The following BCR variants were observed in gnomAD, a reference collection of about 807,000 sequenced individuals.
BCR encodes the protein BCR activator of RhoGEF and GTPase.
In BCR, 58 loss-of-function variants were observed where a neutral mutation model predicts 138.6. That is an observed-to-expected ratio of 0.42 (90% CI 0.34 to 0.52). The LOEUF (loss-of-function observed/expected upper bound fraction) is 0.52. BCR is among the 20% of genes least tolerant of loss of function. The pLI is 0.06. For synonymous variants in BCR, 786 were observed against 730.1 expected (o/e 1.08, Z -1.23); for missense variants, 1,599 against 1,727.2 (o/e 0.93, Z 1.32).
At chr22:23,199,495 A>G (rs2072524207) in intron 1 of BCR, 1 of 376,264 alleles carries the variant, frequency 2.7e-6, no homozygotes, top group Non-Finnish European at 5.3e-6. Context: ...AGGAAGCTTG[A>G]GGCTTCTTGT....
At chr22:23,211,810 T>C (rs1033616056) in intron 1 of BCR, among the ~76,000 whole-genome samples, 1 of 152,200 alleles carries the variant, frequency 6.6e-6, no homozygotes, top group African/African-American at 2.4e-5. Context: ...ATAGAAGTCC[T>C]ATCTTCCAGG....
intron 5 of BCR, 98 bp downstream of exon 5, chr22:23,268,613 C>T (rs17533177): frequency 0.024 from 25,108 of 1,026,114 alleles, 351 homozygotes; most frequent in Non-Finnish European, 0.03. Context: ...AAGATCTGGT[C>T]GTGAACCCCA....
At chr22:23,182,724 G>A (rs189954581) in intron 1 of BCR, among the ~76,000 whole-genome samples, 1 of 152,338 alleles carries the variant, frequency 6.6e-6, no homozygotes, top group Non-Finnish European at 1.5e-5. Context: ...TGACACGTTT[G>A]TGAAACCTGA....
At chr22:23,192,666 A>C (rs1420758282) in intron 1 of BCR, among the ~76,000 whole-genome samples, 1 of 152,226 alleles carries the variant, frequency 6.6e-6, no homozygotes, top group Non-Finnish European at 1.5e-5. Context: ...AGGCTTCTCC[A>C]GCAAGTTGTG....
At chr22:23,240,319 G>A (rs917273623) in intron 1 of BCR, among the ~76,000 whole-genome samples, 2 of 151,732 alleles carry the variant, frequency 1.3e-5, no homozygotes, top group South Asian at 4.2e-4. Context: ...GTGTGTGTGT[G>A]TGTGTGTGTG....
At chr22:23,210,150 A>G (rs1159226502) in intron 1 of BCR, among the ~76,000 whole-genome samples, 1 of 152,190 alleles carries the variant, frequency 6.6e-6, no homozygotes, top group East Asian at 1.9e-4. Flanking sequence ...TAGGCTGGGC[A>G]CAGCAGCTCA....
chr22:23,220,012 G>T (rs561950858), intron 1 of BCR, among the ~76,000 whole-genome samples: 6 of 152,188 alleles, frequency 3.9e-5, no homozygotes, highest in Admixed American at 3.9e-4. Flanking sequence ...CGAAGGACAC[G>T]GCCCCTTGGG....
intron 1 of BCR, among the ~76,000 whole-genome samples, chr22:23,226,989 G>A (rs2072901981): frequency 6.6e-6 from 1 of 152,166 alleles, no homozygotes; most frequent in Non-Finnish European, 1.5e-5. Context: ...TTGGTGACCT[G>A]GAGGTGTCTG....
At chr22:23,255,013 A>G (rs1386472929) in intron 2 of BCR, among the ~76,000 whole-genome samples, 1 of 151,994 alleles carries the variant, frequency 6.6e-6, no homozygotes, top group Non-Finnish European at 1.5e-5. Context: ...TGGGCAACAG[A>G]GCAAGACCCT....
chr22:23,224,306 A>G (rs2072863485), intron 1 of BCR, among the ~76,000 whole-genome samples: 1 of 152,188 alleles, frequency 6.6e-6, no homozygotes, highest in South Asian at 2.1e-4. Flanking sequence ...ACCGAGGTCC[A>G]GGTGGTGGTG....
chr22:23,226,013 G>T (rs1448169072), intron 1 of BCR, among the ~76,000 whole-genome samples: 1 of 152,246 alleles, frequency 6.6e-6, no homozygotes, highest in African/African-American at 2.4e-5. Flanking sequence ...GCACCCTCCT[G>T]TGCCCACATC....
intron 1 of BCR, among the ~76,000 whole-genome samples, chr22:23,238,215 G>GA (rs765484593): frequency 6.6e-6 from 1 of 152,084 alleles, no homozygotes; most frequent in Non-Finnish European, 1.5e-5. Context: ...GAAAGCCTTG[G>GA]AGGTAGGGTG....
rs530488003 is a variant in BCR, at chr22:23,180,719, C to G, written c.-242C>G. 1 of 149,562 alleles carries G rather than the reference C, an allele frequency of 6.7e-6. No homozygotes were observed. The highest frequency in any genetic ancestry group is 1.5e-5 in the Non-Finnish European group (1 of 67,468). 9.3% of individuals were successfully genotyped at this position (149,562 alleles called of 1,614,324 possible). A position where few individuals can be genotyped will look rare whatever the true frequency, so the allele number is the denominator to read the frequency against. On this transcript the variant is annotated 5_prime_UTR_variant, in exon 1 of 23. Transcript: ENST00000305877. Reference sequence around the variant, plus strand: ...CCGCGCCTCGCCGTGCGGAGGAGCCCCGCACACAATAGCGGCGCGCGCAGC... The same window carrying G: ...CCGCGCCTCGCCGTGCGGAGGAGCCGCGCACACAATAGCGGCGCGCGCAGC...
chr22:23,307,708 C>G (rs1304056071), intron 16 of BCR: 1 of 150,452 alleles, frequency 6.6e-6, no homozygotes, highest in Non-Finnish European at 1.5e-5. Flanking sequence ...CTGTGCCACT[C>G]TGGCTGCACA....
chr22:23,247,901 T>G (rs12484302), intron 1 of BCR, among the ~76,000 whole-genome samples: 1,658 of 152,338 alleles, frequency 0.011, 75 homozygotes, highest in Admixed American at 0.088. Context: ...TGTCCTTCCT[T>G]TTTAAGGCTG....
intron 1 of BCR, among the ~76,000 whole-genome samples, chr22:23,188,184 CTG>C (rs1159832297): frequency 6.6e-6 from 1 of 152,184 alleles, no homozygotes; most frequent in Non-Finnish European, 1.5e-5. Flanking sequence ...TGGGTGGAGT[CTG>C]AGGCCGCTAA....
chr22:23,296,446 A>G (rs1488865925), intron 16 of BCR, among the ~76,000 whole-genome samples: 1 of 150,746 alleles, frequency 6.6e-6, no homozygotes, highest in Non-Finnish European at 1.5e-5. Flanking sequence ...TCCCTGAGTC[A>G]CCTGTCATCT....
At position 23,280,768 on chromosome 22, in the gene BCR, G is replaced by A. The variant is rs555440697; in HGVS notation, c.2116-3209G>A. On this transcript the variant is annotated intron_variant, in intron 8 of 22. Transcript: ENST00000305877. ...TTAGTTATTCAAGAAGACAGGTGGC[G>A]TTTCTTCCAACTGGTGTTTCCCACC... Among the ~76,000 whole-genome samples the A allele has an allele frequency of 4.6e-5, 7 of 152,328 alleles. No homozygotes were observed. In the South Asian group the frequency reaches 8.3e-4, roughly 18 times the overall value.
At chr22:23,270,180 T>G (rs2073493990) in intron 5 of BCR, among the ~76,000 whole-genome samples, 1 of 152,032 alleles carries the variant, frequency 6.6e-6, no homozygotes, top group South Asian at 2.1e-4. Flanking sequence ...GCGTGGGAGT[T>G]CGAAGATCAC....
Sources: gnomAD v4.1 joint callset for allele counts (sites outside exome capture counted in the v4.1 genomes callset) on GRCh38, gnomAD v4.1.1 for gene constraint, MANE v1.5 for transcripts, NCBI Gene and HGNC (gene_info 2026-07-23, HGNC 2026-07-21) for gene names.